Variants in MGLL observed in about 807,000 individuals in gnomAD.
The protein encoded by MGLL is lysophospholipase homolog.
MGLL carries 7 observed loss-of-function variants against 29.1 expected under a neutral mutation model. That is an observed-to-expected ratio of 0.24 (90% CI 0.14 to 0.45). The LOEUF (loss-of-function observed/expected upper bound fraction) is 0.45. Ranked by LOEUF, MGLL falls within the 20% of genes least tolerant of loss-of-function variation. The pLI is 0.99. For missense variants in MGLL, 356 were observed against 413.6 expected (o/e 0.86, Z 1.21); for synonymous variants, 148 against 168.3 (o/e 0.88, Z 0.93).
chr3:127,742,770 T>C (rs945666892), intron 3 of MGLL, among the ~76,000 whole-genome samples: 3 of 152,068 alleles, frequency 2.0e-5, no homozygotes, highest in Non-Finnish European at 4.4e-5. Flanking sequence ...GATCAGAACA[T>C]AATCTGGGCT....
intron 5 of MGLL, chr3:127,712,792 G>A (rs988912132): frequency 2.6e-5 from 4 of 152,494 alleles, no homozygotes; most frequent in African/African-American, 7.2e-5. Flanking sequence ...TAGTATCATG[G>A]GCCAGCTCCA....
chr3:127,758,356 T>C (rs989497992), intron 3 of MGLL, among the ~76,000 whole-genome samples: 2 of 152,252 alleles, frequency 1.3e-5, no homozygotes, highest in African/African-American at 4.8e-5. Flanking sequence ...CAGGGACTTG[T>C]GTCTGTTTTG....
chr3:127,734,256 T>C (rs1181364888), intron 3 of MGLL, among the ~76,000 whole-genome samples: 1 of 152,246 alleles, frequency 6.6e-6, no homozygotes, highest in Non-Finnish European at 1.5e-5. Flanking sequence ...ATCCAGGTGC[T>C]AACCTGGGAC....
chr3:127,794,655 T>A (rs990810318), intron 2 of MGLL, among the ~76,000 whole-genome samples: 19 of 152,240 alleles, frequency 1.2e-4, no homozygotes, highest in Non-Finnish European at 2.5e-4. Flanking sequence ...TCAAACTGTC[T>A]TCCATGATGT....
At chr3:127,737,659 T>TTTTTTTTTTTTTTG (rs2076266996) in intron 3 of MGLL, among the ~76,000 whole-genome samples, 1 of 74,734 alleles carries the variant, frequency 1.3e-5, no homozygotes, top group African/African-American at 4.3e-5. Context: ...TTTTTTTTTT[T>TTTTTTTTTTTTTTG]GTGAGACAGG....
chr3:127,809,073 T>C (rs9815888), intron 2 of MGLL, among the ~76,000 whole-genome samples: 1,962 of 151,936 alleles, frequency 0.013, 38 homozygotes, highest in African/African-American at 0.044. Context: ...GTTAGCATGT[T>C]AGCCTTGCCA....
At chr3:127,748,431 A>C (rs60987981) in intron 3 of MGLL, among the ~76,000 whole-genome samples, 1 of 116,612 alleles carries the variant, frequency 8.6e-6, no homozygotes, top group Non-Finnish European at 2.1e-5. Flanking sequence ...AGAGAGAGGG[A>C]GAGAGAGAGA....
At chr3:127,748,771 T>A (rs1265365226) in intron 3 of MGLL, among the ~76,000 whole-genome samples, 1 of 152,206 alleles carries the variant, frequency 6.6e-6, no homozygotes, top group East Asian at 1.9e-4. Context: ...GTCTGTAGAA[T>A]TTTGTTATGC....
chr3:127,765,411 C>G (rs1459594433), intron 3 of MGLL, among the ~76,000 whole-genome samples: 4 of 152,174 alleles, frequency 2.6e-5, no homozygotes, highest in African/African-American at 9.7e-5. Context: ...ATTATCAGGC[C>G]GCTGGGCACT....
intron 3 of MGLL, among the ~76,000 whole-genome samples, chr3:127,732,835 C>G (rs1319901704): frequency 2.0e-5 from 3 of 152,196 alleles, no homozygotes; most frequent in African/African-American, 7.2e-5. Flanking sequence ...GACCTCATGT[C>G]TATGAGGCCA....
At position 127,810,079 on chromosome 3, in the gene MGLL, C is replaced by T. The variant is rs144876748; in HGVS notation, c.155+11615G>A. On this transcript the variant is annotated intron_variant, in intron 2 of 7. Transcript: ENST00000265052. ...CCCAGCACAGCCTATACAATGAAGCCCAAATTCCTTAGCAAGTCAAAATGG... is the reference window on the plus strand; with the variant it reads ...CCCAGCACAGCCTATACAATGAAGCTCAAATTCCTTAGCAAGTCAAAATGG... Among the ~76,000 whole-genome samples the T allele has an allele frequency of 1.2e-3, 185 of 152,242 alleles. 1 individual carries two copies. Among genetic ancestry groups the T allele is most frequent in the African/African-American group, 3.9e-3 (163 of 41,538 alleles).
chr3:127,782,014 A>C (rs545696846), intron 2 of MGLL, 119 bp from the exon 3 acceptor site: 1 of 866,598 alleles, frequency 1.2e-6, no homozygotes, highest in African/African-American at 1.7e-5. Flanking sequence ...TGAGCTCAGG[A>C]GTTTGAGACC....
chr3:127,748,303 TCGCA>T lies in MGLL; in HGVS notation c.263-25741_263-25738del, dbSNP rs1219699349. ...GTCATTCTCAACTGAGGGTTACGCATCGCAGTCTGTTGACATTGTTCCATCCTTG... is the reference window on the plus strand; with the variant it reads ...GTCATTCTCAACTGAGGGTTACGCATGTCTGTTGACATTGTTCCATCCTTG... On this transcript the variant is annotated intron_variant, in intron 3 of 7. Transcript: ENST00000265052. Among the ~76,000 whole-genome samples the T allele has an allele frequency of 4.6e-5, 7 of 151,860 alleles. No individual in the cohort carries two copies. In the East Asian group the frequency reaches 1.4e-3, roughly 29 times the overall value.
chr3:127,766,836 T>A (rs968519559), intron 3 of MGLL, among the ~76,000 whole-genome samples: 6 of 152,140 alleles, frequency 3.9e-5, no homozygotes, highest in African/African-American at 1.4e-4. Flanking sequence ...TCTGGGAGGC[T>A]GAGGTGGGCG....
At chr3:127,716,026 T>G (rs916758866) in intron 5 of MGLL, 9 of 352,576 alleles carry the variant, frequency 2.6e-5, no homozygotes, top group African/African-American at 1.9e-4. Context: ...ACCTGCCCCA[T>G]GACCCTGGTG....
intron 1 of MGLL, chr3:127,822,075 TC>T: frequency 1.5e-6 from 1 of 649,100 alleles, no homozygotes. Context: ...TTACAGTTTT[TC>T]CCCCTTCCCA....
intron 3 of MGLL, among the ~76,000 whole-genome samples, chr3:127,781,047 A>C (rs1030223094): frequency 3.3e-5 from 5 of 152,222 alleles, no homozygotes; most frequent in Non-Finnish European, 7.3e-5. Context: ...GCTACAGAAC[A>C]AAGAATCAAA....
intron 5 of MGLL, chr3:127,715,760 G>C (rs1213964222): frequency 6.6e-6 from 3 of 456,554 alleles, no homozygotes; most frequent in Non-Finnish European, 1.3e-5. Flanking sequence ...TCACATTGTC[G>C]AGGTCGACCA....
At chr3:127,718,405 C>T (rs113769952) in intron 5 of MGLL, among the ~76,000 whole-genome samples, 3 of 152,138 alleles carry the variant, frequency 2.0e-5, no homozygotes, top group South Asian at 2.1e-4. Context: ...CCAAACAGAA[C>T]GCTAGAGGGA....
Sources: gnomAD v4.1 joint callset for allele counts (sites outside exome capture counted in the v4.1 genomes callset) on GRCh38, gnomAD v4.1.1 for gene constraint, MANE v1.5 for transcripts, NCBI Gene and HGNC (gene_info 2026-07-23, HGNC 2026-07-21) for gene names.